The following ANKS1B variants were observed in gnomAD, a reference collection of about 807,000 sequenced individuals.
ANKS1B encodes the protein ankyrin repeat and sterile alpha motif domain-containing protein 1B.
ANKS1B carries 36 observed loss-of-function variants against 148.3 expected under a neutral mutation model. That is an observed-to-expected ratio of 0.24 (90% CI 0.19 to 0.32). The LOEUF (loss-of-function observed/expected upper bound fraction) is 0.32. ANKS1B is among the 10% of genes least tolerant of loss of function. The probability of loss-of-function intolerance (pLI) is 1.00; values close to 1 mark genes in which losing one functional copy is unlikely to be tolerated. For missense variants in ANKS1B, 1,157 were observed against 1,542.6 expected (o/e 0.75, Z 4.19); for synonymous variants, 542 against 560.8 (o/e 0.97, Z 0.47).
chr12:99,103,987 G>A (rs1224265912), intron 15 of ANKS1B, among the ~76,000 whole-genome samples: 1 of 152,210 alleles, frequency 6.6e-6, no homozygotes, highest in Non-Finnish European at 1.5e-5. Context: ...TGCCAATCCA[G>A]TGTGGCAATC....
intron 17 of ANKS1B, among the ~76,000 whole-genome samples, chr12:98,938,156 T>A (rs969147056): frequency 1.3e-5 from 2 of 152,212 alleles, no homozygotes; most frequent in Non-Finnish European, 2.9e-5. Context: ...TGGTCCCTGG[T>A]ATGTATTTCA....
At chr12:98,961,053 C>A (rs943789745) in intron 17 of ANKS1B, among the ~76,000 whole-genome samples, 2 of 152,018 alleles carry the variant, frequency 1.3e-5, no homozygotes, top group Non-Finnish European at 2.9e-5. Flanking sequence ...GTGTTATTGG[C>A]CCTAAAGAGG....
intron 12 of ANKS1B, among the ~76,000 whole-genome samples, chr12:99,252,896 C>T (rs113655462): frequency 1.3e-5 from 2 of 152,140 alleles, no homozygotes; most frequent in African/African-American, 4.8e-5. Flanking sequence ...GGTGAAAACA[C>T]CAAAGATGTG....
At chr12:99,061,669 T>G (rs1362847579) in intron 16 of ANKS1B, among the ~76,000 whole-genome samples, 3 of 152,232 alleles carry the variant, frequency 2.0e-5, no homozygotes, top group African/African-American at 4.8e-5. Flanking sequence ...AACCACTATA[T>G]TATGAATGTC....
chr12:99,008,589 G>C (rs2099937524), intron 17 of ANKS1B, among the ~76,000 whole-genome samples: 1 of 152,140 alleles, frequency 6.6e-6, no homozygotes, highest in African/African-American at 2.4e-5. Flanking sequence ...TGCAGTCTGA[G>C]CTCAACCTGT....
At chr12:99,806,283 G>T in intron 4 of ANKS1B, 121 bp downstream of exon 4, 1 of 1,250,798 alleles carries the variant, frequency 8.0e-7, no homozygotes, top group Non-Finnish European at 1.1e-6. Context: ...GAACTCAGTA[G>T]TTACAAAAGT....
intron 17 of ANKS1B, among the ~76,000 whole-genome samples, chr12:98,884,624 C>G (rs2152547058): frequency 6.6e-6 from 1 of 151,278 alleles, no homozygotes; most frequent in East Asian, 1.9e-4. Context: ...AAGGTGAAAC[C>G]CCGTCTCTAC....
At chr12:98,766,641 C>G (rs1256191814) in intron 25 of ANKS1B, among the ~76,000 whole-genome samples, 2 of 152,140 alleles carry the variant, frequency 1.3e-5, no homozygotes, top group Non-Finnish European at 2.9e-5. Context: ...GATATTAATT[C>G]AATTGTCAGA....
At chr12:99,493,260 G>A (rs2096571691) in intron 10 of ANKS1B, among the ~76,000 whole-genome samples, 1 of 152,198 alleles carries the variant, frequency 6.6e-6, no homozygotes, top group Non-Finnish European at 1.5e-5. Context: ...CAAGGTTATT[G>A]CAGAAGTTTA....
At chr12:99,614,767 T>C (rs1338883495) in intron 9 of ANKS1B, among the ~76,000 whole-genome samples, 1 of 152,066 alleles carries the variant, frequency 6.6e-6, no homozygotes, top group Non-Finnish European at 1.5e-5. Context: ...TTTCACTCAT[T>C]TCATCCATTT....
chr12:99,885,493 C>T (rs970057820), intron 1 of ANKS1B, among the ~76,000 whole-genome samples: 2 of 151,830 alleles, frequency 1.3e-5, no homozygotes, highest in Admixed American at 1.3e-4. Context: ...TTGGTAGAGA[C>T]GGGGTTTCAC....
At chr12:98,753,989 G>A (rs1298958664) in intron 25 of ANKS1B, among the ~76,000 whole-genome samples, 1 of 152,172 alleles carries the variant, frequency 6.6e-6, no homozygotes, top group Non-Finnish European at 1.5e-5. Context: ...AGAGGCCCAA[G>A]GGTTCTAGAC....
rs193060378 is a variant in ANKS1B, at chr12:99,190,111, T to C, written c.2420-35716A>G. 5.3e-3 allele frequency among the ~76,000 whole-genome samples: 803 copies of C among 152,068 alleles called. 8 individuals carry two copies. The highest frequency in any genetic ancestry group is 0.018 in the African/African-American group (728 of 41,492). ...CACAATTGCTACAAAGAGAATAAAA[T>C]ACCTAGGAATACAACTTACAAGGGA... On this transcript the variant is annotated intron_variant, in intron 14 of 26. Coordinates refer to ENST00000683438, the MANE Select transcript of ANKS1B (RefSeq NM_001352186.2).
chr12:99,433,238 T>C (rs188876710), intron 11 of ANKS1B, among the ~76,000 whole-genome samples: 1 of 152,206 alleles, frequency 6.6e-6, no homozygotes, highest in Admixed American at 6.5e-5. Context: ...GATTTTTTGT[T>C]CATGAGAGTC....
intron 9 of ANKS1B, among the ~76,000 whole-genome samples, chr12:99,522,680 G>GA (rs1246661153): frequency 6.6e-6 from 1 of 152,022 alleles, no homozygotes; most frequent in African/African-American, 2.4e-5. Context: ...GCAATACTAT[G>GA]AAAAAAATAT....
At chr12:98,833,983 T>C (rs1210008021) in intron 17 of ANKS1B, among the ~76,000 whole-genome samples, 2 of 152,236 alleles carry the variant, frequency 1.3e-5, no homozygotes, top group Non-Finnish European at 2.9e-5. Flanking sequence ...ATTTGCCTAT[T>C]TGTTGGTTAA....
At chr12:99,105,327 T>G (rs1431050976) in intron 15 of ANKS1B, among the ~76,000 whole-genome samples, 2 of 152,088 alleles carry the variant, frequency 1.3e-5, no homozygotes, top group African/African-American at 4.8e-5. Flanking sequence ...CTTCAGTTGA[T>G]AAGTTCCTGT....
chr12:98,821,089 C>A (rs1046039498), intron 19 of ANKS1B, among the ~76,000 whole-genome samples: 2 of 152,146 alleles, frequency 1.3e-5, no homozygotes, highest in African/African-American at 2.4e-5. Context: ...TGGGCATTAA[C>A]CTCACTCTAG....
intron 12 of ANKS1B, among the ~76,000 whole-genome samples, chr12:99,381,454 A>G (rs908485048): frequency 3.3e-5 from 5 of 152,220 alleles, no homozygotes; most frequent in African/African-American, 1.2e-4. Flanking sequence ...AGGGCCATGA[A>G]GAACAGTACC....
Sources: gnomAD v4.1 joint callset for allele counts (sites outside exome capture counted in the v4.1 genomes callset) on GRCh38, gnomAD v4.1.1 for gene constraint, MANE v1.5 for transcripts, NCBI Gene and HGNC (gene_info 2026-07-23, HGNC 2026-07-21) for gene names.